The following DNAAF9 variants were observed in gnomAD, a reference collection of about 807,000 sequenced individuals.
The protein encoded by DNAAF9 is dynein axonemal assembly factor 9, also known as shulin.
DNAAF9 carries 90 observed loss-of-function variants against 167.0 expected under a neutral mutation model. The observed-to-expected ratio is 0.54, with a 90% CI of 0.45 to 0.64. The LOEUF is 0.64. Among genes scored for constraint, DNAAF9 ranks in the 30% least tolerant of loss-of-function variants. The pLI, the probability that DNAAF9 is intolerant of heterozygous loss-of-function variation, is 0.00. For synonymous variants in DNAAF9, 491 were observed against 508.8 expected, an observed-to-expected ratio of 0.96 and a Z score of 0.47; for missense variants, 1,315 against 1,442.2, an observed-to-expected ratio of 0.91 and a Z score of 1.43.
chr20:3,297,412 G>C (rs1020451436), intron 22 of DNAAF9, among the ~76,000 whole-genome samples: 2 of 152,148 alleles, frequency 1.3e-5, no homozygotes, highest in African/African-American at 4.8e-5. Context: ...CTATACTATA[G>C]CCAAGGTCAA....
chr20:3,331,542 G>T (rs2069829839), intron 11 of DNAAF9, among the ~76,000 whole-genome samples: 2 of 152,112 alleles, frequency 1.3e-5, no homozygotes, highest in Admixed American at 6.5e-5. Context: ...TAGCCTTTCT[G>T]GATGGCCCCA....
intron 29 of DNAAF9, among the ~76,000 whole-genome samples, chr20:3,276,103 T>A (rs1307070174): frequency 1.3e-5 from 2 of 152,182 alleles, no homozygotes; most frequent in South Asian, 2.1e-4. Flanking sequence ...TGGAAAATAA[T>A]CTCTTATGAA....
At chr20:3,380,429 G>T (rs942954931) in intron 3 of DNAAF9, among the ~76,000 whole-genome samples, 1 of 152,022 alleles carries the variant, frequency 6.6e-6, no homozygotes, top group Non-Finnish European at 1.5e-5. Context: ...TCTCAACCTC[G>T]GCACTACTGA....
intron 6 of DNAAF9, 71 bp from the exon 7 acceptor site, chr20:3,359,664 T>C: frequency 9.3e-7 from 1 of 1,072,468 alleles, no homozygotes; most frequent in South Asian, 1.4e-5. Context: ...TATTTTCTGA[T>C]GTTCAGAAAT....
chr20:3,388,484 C>A (rs2083781405), intron 1 of DNAAF9, among the ~76,000 whole-genome samples: 1 of 152,044 alleles, frequency 6.6e-6, no homozygotes, highest in African/African-American at 2.4e-5. Flanking sequence ...GAATTGAAAG[C>A]AGGGACTGAA....
chr20:3,322,420 T>C (rs1415919327), intron 15 of DNAAF9, among the ~76,000 whole-genome samples, 158 bp from the exon 16 acceptor site: 1 of 152,210 alleles, frequency 6.6e-6, no homozygotes, highest in Non-Finnish European at 1.5e-5. Context: ...AGAATTGGTA[T>C]GTGGGCCACT....
intron 6 of DNAAF9, among the ~76,000 whole-genome samples, chr20:3,362,623 T>C (rs1168377486): frequency 6.6e-6 from 1 of 152,176 alleles, no homozygotes; most frequent in African/African-American, 2.4e-5. Context: ...GCCCTGTGCA[T>C]TGTAGGCCCT....
intron 17 of DNAAF9, 97 bp from the exon 18 acceptor site, chr20:3,316,890 C>CTTTTTT (rs11424663): frequency 2.4e-5 from 6 of 250,652 alleles, no homozygotes; most frequent in African/African-American, 6.7e-5. Flanking sequence ...AGCTAGGGTT[C>CTTTTTT]TTTTTTTTTT....
intron 9 of DNAAF9, among the ~76,000 whole-genome samples, chr20:3,341,967 T>A (rs969830886): frequency 7.2e-5 from 11 of 152,024 alleles, no homozygotes; most frequent in Non-Finnish European, 1.6e-4. Context: ...TTAGTGGAGA[T>A]GGGGTTTCAC....
chr20:3,388,078 AAAAAG>A (rs1438604404), intron 1 of DNAAF9, among the ~76,000 whole-genome samples: 1 of 151,384 alleles, frequency 6.6e-6, no homozygotes, highest in Non-Finnish European at 1.5e-5. Context: ...AAAAAAAAAA[AAAAAG>A]AAAAGAAAAG....
At position 3,329,685 on chromosome 20, in the gene DNAAF9, T is replaced by TAACAA. The variant is rs1243960471; in HGVS notation, c.1100+960_1100+961insTTGTT. Among the ~76,000 whole-genome samples the TAACAA allele has an allele frequency of 1.7e-4, 26 of 152,242 alleles. 1 individual carries two copies. The highest frequency in any genetic ancestry group is 1.5e-5 in the Non-Finnish European group (1 of 68,038). On this transcript the variant is annotated intron_variant, in intron 12 of 36. Coordinates refer to ENST00000252032, the MANE Select transcript of DNAAF9 (RefSeq NM_001009984.3). ...AAAGAGATCTTTAGATAATCCTTTGTAGCCTCTCACTGCTGGTCACAGGGA... is the reference window on the plus strand; with the variant it reads ...AAAGAGATCTTTAGATAATCCTTTGTAACAAAGCCTCTCACTGCTGGTCACAGGGA...
chr20:3,295,749 T>C, intron 23 of DNAAF9: 1 of 667,928 alleles, frequency 1.5e-6, no homozygotes, highest in Non-Finnish European at 2.8e-6. Context: ...GTTGTCCACT[T>C]TATTCTGGAA....
chr20:3,335,618 G>A (rs1166644335), intron 10 of DNAAF9, among the ~76,000 whole-genome samples: 3 of 151,228 alleles, frequency 2.0e-5, no homozygotes, highest in Non-Finnish European at 4.4e-5. Flanking sequence ...TTAGCCAGGT[G>A]TGGTGGTGGG....
At chr20:3,326,175 G>A in intron 13 of DNAAF9, 22 bp downstream of exon 13, 2 of 1,450,142 alleles carry the variant, frequency 1.4e-6, no homozygotes, top group Non-Finnish European at 1.9e-6. Context: ...TTACAGAAAG[G>A]GAAACATGGT....
chr20:3,310,774 G>A (rs1282569396), intron 20 of DNAAF9, among the ~76,000 whole-genome samples: 1 of 151,944 alleles, frequency 6.6e-6, no homozygotes, highest in Non-Finnish European at 1.5e-5. Context: ...TTTAACAGAA[G>A]GGAAGTATAA....
intron 31 of DNAAF9, among the ~76,000 whole-genome samples, chr20:3,263,079 A>G (rs905685082): frequency 9.8e-5 from 14 of 142,148 alleles, no homozygotes; most frequent in African/African-American, 3.2e-4. Flanking sequence ...GCTTCACACC[A>G]TTCTCCTGCC....
intron 13 of DNAAF9, among the ~76,000 whole-genome samples, chr20:3,325,925 T>G (rs2069702738): frequency 6.6e-6 from 1 of 152,110 alleles, no homozygotes; most frequent in Non-Finnish European, 1.5e-5. Flanking sequence ...TTTAAGCTAT[T>G]CAACAAAACA....
chr20:3,319,262 CAAAAA>C (rs57727958), intron 16 of DNAAF9, among the ~76,000 whole-genome samples: 72 of 41,546 alleles, frequency 1.7e-3, no homozygotes, highest in Admixed American at 2.4e-3. Flanking sequence ...GACCCCGTCT[CAAAAA>C]AAAAAAAAAA....
At chr20:3,350,148 G>C (rs28701920) in intron 7 of DNAAF9, among the ~76,000 whole-genome samples, 8,625 of 67,722 alleles carry the variant, frequency 0.13, 365 homozygotes, top group East Asian at 0.23. Flanking sequence ...CAGACACACA[G>C]ACACACAGAC....
Sources: allele counts gnomAD v4.1 joint callset (sites outside exome capture counted in the v4.1 genomes callset), GRCh38; gene constraint gnomAD v4.1.1; transcripts MANE v1.5; gene names NCBI Gene and HGNC (gene_info 2026-07-23, HGNC 2026-07-21).